HTR3B: variants seen among roughly 807,000 people sequenced by gnomAD.
The protein encoded by HTR3B is 5-hydroxytryptamine receptor 3B.
A neutral mutation model predicts 42.8 loss-of-function variants in HTR3B; 44 were observed. That is an observed-to-expected ratio of 1.03 (90% CI 0.81 to 1.32). HTR3B has a LOEUF of 1.32. HTR3B is among the 40% of genes most tolerant of loss of function. The pLI, the probability that HTR3B is intolerant of heterozygous loss-of-function variation, is 0.00. For missense variants in HTR3B, 527 were observed against 536.5 expected (o/e 0.98, Z 0.17); for synonymous variants, 203 against 209.0 (o/e 0.97, Z 0.25).
chr11:113,911,867 G>GA (rs1297660234), intron 2 of HTR3B, among the ~76,000 whole-genome samples: 4 of 152,022 alleles, frequency 2.6e-5, no homozygotes, highest in Non-Finnish European at 5.9e-5. Context: ...AAAGATCCCC[G>GA]AAAAGGTCCC....
intron 7 of HTR3B, 89 bp from the exon 8 acceptor site, chr11:113,944,484 G>C: frequency 7.8e-7 from 1 of 1,280,560 alleles, no homozygotes; most frequent in Non-Finnish European, 1.1e-6. Context: ...TTGGGCAATA[G>C]AGCAAGACCC....
chr11:113,930,763 A>G (rs993751237), intron 2 of HTR3B, among the ~76,000 whole-genome samples: 5 of 152,126 alleles, frequency 3.3e-5, no homozygotes, highest in African/African-American at 1.2e-4. Context: ...ATGTGGAATC[A>G]CAGGGACGAA....
chr11:113,932,519 ACTAT>A (rs1950046672), intron 5 of HTR3B, 61 bp downstream of exon 5: 4 of 1,284,052 alleles, frequency 3.1e-6, no homozygotes, highest in Non-Finnish European at 3.3e-6. Context: ...ATGATATTAT[ACTAT>A]CCTTCAGGTC....
intron 6 of HTR3B, among the ~76,000 whole-genome samples, chr11:113,934,904 G>A (rs1011057153): frequency 1.3e-5 from 2 of 152,102 alleles, no homozygotes; most frequent in African/African-American, 4.8e-5. Flanking sequence ...GCACATGCAA[G>A]GTGGAACATA....
chr11:113,938,298 T>C (rs1950107350), intron 6 of HTR3B, among the ~76,000 whole-genome samples: 1 of 152,152 alleles, frequency 6.6e-6, no homozygotes, highest in African/African-American at 2.4e-5. Flanking sequence ...TTCAGCCGCA[T>C]CCCAACATCC....
At chr11:113,937,910 C>G (rs1236736981) in intron 6 of HTR3B, among the ~76,000 whole-genome samples, 3 of 152,194 alleles carry the variant, frequency 2.0e-5, no homozygotes, top group African/African-American at 7.2e-5. Flanking sequence ...AATCTGAAAT[C>G]AAGACTTGGG....
intron 2 of HTR3B, 82 bp from the exon 3 acceptor site, chr11:113,931,302 T>G: frequency 2.0e-6 from 2 of 994,334 alleles, no homozygotes; most frequent in South Asian, 2.8e-5. Flanking sequence ...GATTTTCTTC[T>G]TCTGAATTTC....
At chr11:113,900,440 C>G (rs1005167003), upstream of HTR3B, among the ~76,000 whole-genome samples, 36 of 152,244 alleles carry the variant, frequency 2.4e-4, no homozygotes, top group Admixed American at 5.2e-4. Flanking sequence ...ATGTATTAGT[C>G]TATTCTCACA....
rs2276305 is a variant in HTR3B at position 113,932,382 on chromosome 11, G to T, written c.462G>T (p.Ala154=). The T allele has an allele frequency of 1.3e-4, 206 of 1,613,556 alleles. No homozygotes were observed. Among genetic ancestry groups the T allele is most frequent in the Non-Finnish European group, 1.6e-4 (185 of 1,179,666 alleles). ...ENYKPIQVVS[A]CSLETYAFPF... is the part of the protein sequence containing the mutation. ...ATAAGCCCATCCAGGTGGTCTCTGC[G>T]TGCAGTTTAGAGACATATGCTTTTC... Residue 154 remains alanine (A), a synonymous_variant, in exon 5 of 9, where the codon GCG becomes GCT. Coordinates refer to ENST00000260191, the MANE Select transcript of HTR3B (RefSeq NM_006028.5).
intron 2 of HTR3B, among the ~76,000 whole-genome samples, chr11:113,928,944 T>C (rs1419907269): frequency 6.6e-6 from 1 of 152,252 alleles, no homozygotes; most frequent in Non-Finnish European, 1.5e-5. Context: ...ATTCTACCCC[T>C]TGGCTATTGT....
chr11:113,908,456 G>A (rs1949750925), intron 1 of HTR3B, among the ~76,000 whole-genome samples: 1 of 152,184 alleles, frequency 6.6e-6, no homozygotes, highest in South Asian at 2.1e-4. Flanking sequence ...ATTTGCTTCG[G>A]TCCAATGACT....
chr11:113,907,547 C>A (rs1348974480), intron 1 of HTR3B, among the ~76,000 whole-genome samples: 1 of 152,058 alleles, frequency 6.6e-6, no homozygotes. Flanking sequence ...CCTTTCAGTG[C>A]TTGATTCTCT....
intron 2 of HTR3B, among the ~76,000 whole-genome samples, chr11:113,928,080 G>T (rs1168957706): frequency 6.6e-6 from 1 of 152,022 alleles, no homozygotes; most frequent in East Asian, 1.9e-4. Flanking sequence ...TCCCCTCTCC[G>T]TGTCCATGTG....
rs1302078650 is a variant in HTR3B, at chr11:113,948,863, C to A, written c.*2726C>A. The stretch of plus-strand genomic sequence containing the variant: ...GGGCAACAAGAGCTAAACTCTATCT[C>A]AAAAAAAAAAAAAAGTTTAAAGTGC... On this transcript the variant is annotated 3_prime_UTR_variant, in exon 9 of 9. Transcript: ENST00000260191. 2.8e-4 allele frequency among the ~76,000 whole-genome samples: 41 copies of A among 145,046 alleles called. No individual in the cohort carries two copies. Among genetic ancestry groups the A allele is most frequent in the South Asian group, 4.4e-4 (2 of 4,504 alleles).
intron 6 of HTR3B, among the ~76,000 whole-genome samples, chr11:113,938,229 C>G (rs1184992148): frequency 6.6e-6 from 1 of 152,144 alleles, no homozygotes. Context: ...CTTGGGGGCC[C>G]TCTTCAACCT....
At chr11:113,915,040 A>C (rs1162409503) in intron 2 of HTR3B, among the ~76,000 whole-genome samples, 1 of 151,884 alleles carries the variant, frequency 6.6e-6, no homozygotes, top group Non-Finnish European at 1.5e-5. Context: ...ATTTTTTTCT[A>C]TTATTTTCAT....
Position 113,948,339 on chromosome 11 carries a change from C to A in HTR3B, c.*2202C>A, listed in dbSNP as rs1950194408. On this transcript the variant is annotated 3_prime_UTR_variant, in exon 9 of 9. Coordinates refer to ENST00000260191, the MANE Select transcript of HTR3B (RefSeq NM_006028.5). Reference sequence around the variant, plus strand: ...GAAAAGGCCTGAGGTGAACTCCTCACTGTGGGGTCTCTCTCCTTCCCAACT... The same window carrying A: ...GAAAAGGCCTGAGGTGAACTCCTCAATGTGGGGTCTCTCTCCTTCCCAACT... 6.6e-6 allele frequency among the ~76,000 whole-genome samples: 1 copy of A among 152,196 alleles called. No individual in the cohort carries two copies. Among genetic ancestry groups the A allele is most frequent in the African/African-American group, 2.4e-5 (1 of 41,456 alleles).
rs539820505 is a variant in HTR3B, at chr11:113,917,553, A to G, written c.213+8098A>G. On this transcript the variant is annotated intron_variant, in intron 2 of 8. Coordinates refer to ENST00000260191, the MANE Select transcript of HTR3B (RefSeq NM_006028.5). ...CTTTGGTTCTGCCAACTTTTGCTTC[A>G]TGTATTTTGAAGCTATGTTATTAGG... is the stretch of plus-strand genomic sequence containing the variant. Among the ~76,000 whole-genome samples the G allele has an allele frequency of 3.9e-5, 6 of 152,012 alleles. No homozygotes were observed. In the East Asian group the frequency reaches 1.2e-3, roughly 29 times the overall value.
upstream of HTR3B, among the ~76,000 whole-genome samples, chr11:113,903,212 C>T (rs1022658938): frequency 2.6e-5 from 4 of 152,006 alleles, no homozygotes; most frequent in African/African-American, 9.7e-5. Context: ...TTGTTTGTCC[C>T]ACAGTATGCC....
Sources: allele counts gnomAD v4.1 joint callset (sites outside exome capture counted in the v4.1 genomes callset), GRCh38; gene constraint gnomAD v4.1.1; transcripts MANE v1.5; gene names NCBI Gene and HGNC (gene_info 2026-07-23, HGNC 2026-07-21).